Variants in SEMA3A observed in about 807,000 individuals in gnomAD.
SEMA3A encodes semaphorin-3A.
In SEMA3A, 29 loss-of-function variants were observed where a neutral mutation model predicts 97.9. The ratio of observed to expected loss-of-function variants is 0.30; its 90% CI spans 0.22 to 0.40. The LOEUF (loss-of-function observed/expected upper bound fraction) is 0.40, where lower values mean the gene tolerates loss of function less well. Ranked by LOEUF, SEMA3A falls within the 10% of genes least tolerant of loss-of-function variation. The pLI is 1.00. For missense variants in SEMA3A, 763 were observed against 951.3 expected, an observed-to-expected ratio of 0.80 and a Z score of 2.60; for synonymous variants, 321 against 323.7, an observed-to-expected ratio of 0.99 and a Z score of 0.09.
rs146345045 is a variant in SEMA3A at position 84,295,936 on chromosome 7, A to G, written c.-83+11271T>C. On this transcript the variant is annotated intron_variant, in intron 3 of 3. Coordinates refer to the SEMA3A transcript ENST00000424555. Reference sequence around the variant, plus strand: ...TCCACAATTCAAAGCCACTTTTACAATACACTACTCATGTTGTGTTAGAAG... The same window carrying G: ...TCCACAATTCAAAGCCACTTTTACAGTACACTACTCATGTTGTGTTAGAAG... Among the ~76,000 whole-genome samples, 5 of 152,240 alleles carry G rather than the reference A, an allele frequency of 3.3e-5. No individual in the cohort carries two copies. The East Asian group carries it at 7.7e-4, about 24-fold the overall frequency.
At chr7:84,235,529 T>G (rs996940945) in intron 3 of SEMA3A, among the ~76,000 whole-genome samples, 1 of 152,054 alleles carries the variant, frequency 6.6e-6, no homozygotes, top group East Asian at 1.9e-4. Context: ...TTGAAATATC[T>G]GCATGAATAA....
chr7:84,097,289 T>C (rs7801600), intron 4 of SEMA3A, among the ~76,000 whole-genome samples: 128,444 of 152,108 alleles, frequency 0.84, 54,595 homozygotes, highest in African/African-American at 0.95. Context: ...CTGTATAAAG[T>C]TTTGTGCTAA....
In SEMA3A at chr7:84,445,008, C is replaced by T. The variant is rs1350377964; in HGVS notation, c.-246+47452G>A. 2.0e-5 allele frequency among the ~76,000 whole-genome samples: 3 copies of T among 152,100 alleles called. No individual in the cohort carries two copies. The East Asian group carries it at 5.8e-4, about 29-fold the overall frequency. ...AGGATTCATGTTGCTCTGATAGAGG[C>T]TCTTTTAAAACTGATATCTTCTTCT... On this transcript the variant is annotated intron_variant, in intron 1 of 3. Transcript: ENST00000424555.
intron 2 of SEMA3A, among the ~76,000 whole-genome samples, chr7:84,309,373 T>A (rs1801257179): frequency 6.6e-6 from 1 of 151,834 alleles, no homozygotes; most frequent in South Asian, 2.1e-4. Flanking sequence ...ACATGATGAG[T>A]TAAGTCCTAA....
intron 4 of SEMA3A, among the ~76,000 whole-genome samples, chr7:84,074,112 C>T (rs60359427): frequency 0.07 from 10,585 of 152,110 alleles, 452 homozygotes; most frequent in East Asian, 0.19. Context: ...TTTGCACTGT[C>T]TACATACTAT....
chr7:84,168,295 G>A (rs2116193252), intron 1 of SEMA3A, among the ~76,000 whole-genome samples: 1 of 152,024 alleles, frequency 6.6e-6, no homozygotes, highest in East Asian at 1.9e-4. Flanking sequence ...AAATTAATGG[G>A]TATAGTCTCC....
At chr7:83,977,788 C>CTTTTTTTTTTTTTT (rs139682272) in intron 14 of SEMA3A, among the ~76,000 whole-genome samples, 3 of 141,062 alleles carry the variant, frequency 2.1e-5, no homozygotes, top group Non-Finnish European at 4.6e-5. Flanking sequence ...TCAACCTATC[C>CTTTTTTTTTTTTTT]TTTTTTTTTT....
intron 4 of SEMA3A, among the ~76,000 whole-genome samples, chr7:84,071,325 C>T (rs1432717013): frequency 6.6e-6 from 1 of 152,038 alleles, no homozygotes; most frequent in East Asian, 1.9e-4. Flanking sequence ...AGTCAGCAGT[C>T]AGAGGACCTC....
At chr7:84,423,583 G>A (rs1043790606) in intron 1 of SEMA3A, among the ~76,000 whole-genome samples, 1 of 151,938 alleles carries the variant, frequency 6.6e-6, no homozygotes, top group East Asian at 1.9e-4. Flanking sequence ...TGTCGAAATA[G>A]ATAGTTATAT....
At chr7:84,040,037 T>C (rs1792079827) in intron 6 of SEMA3A, among the ~76,000 whole-genome samples, 2 of 152,044 alleles carry the variant, frequency 1.3e-5, no homozygotes, top group South Asian at 2.1e-4. Context: ...GAAAGGCAGG[T>C]TATTTTGGAA....
chr7:84,213,880 C>G (rs1241798678), intron 3 of SEMA3A, among the ~76,000 whole-genome samples: 1 of 152,192 alleles, frequency 6.6e-6, no homozygotes, highest in Non-Finnish European at 1.5e-5. Flanking sequence ...TGCCCCAGCA[C>G]TATCATGGAA....
At chr7:84,240,713 C>T (rs930274345) in intron 3 of SEMA3A, among the ~76,000 whole-genome samples, 3 of 152,062 alleles carry the variant, frequency 2.0e-5, no homozygotes, top group Admixed American at 6.6e-5. Flanking sequence ...CTCATCAACC[C>T]ATCATGTACA....
chr7:84,449,136 T>G (rs1805498546), intron 1 of SEMA3A, among the ~76,000 whole-genome samples: 1 of 152,158 alleles, frequency 6.6e-6, no homozygotes, highest in Non-Finnish European at 1.5e-5. Flanking sequence ...ATACAAAAAT[T>G]ACTTTAAAAT....
chr7:84,394,807 G>T (rs1224896545), intron 1 of SEMA3A, among the ~76,000 whole-genome samples: 2 of 152,072 alleles, frequency 1.3e-5, no homozygotes, highest in Non-Finnish European at 1.5e-5. Context: ...TAATAAAAGA[G>T]CTACATAAAA....
chr7:84,097,196 A>G (rs1392924465), intron 4 of SEMA3A, among the ~76,000 whole-genome samples: 2 of 152,138 alleles, frequency 1.3e-5, no homozygotes, highest in Non-Finnish European at 2.9e-5. Context: ...TTGCCAGGAG[A>G]AAAGCACTTA....
At chr7:84,169,789 T>C (rs1466292748) in intron 1 of SEMA3A, among the ~76,000 whole-genome samples, 2 of 151,632 alleles carry the variant, frequency 1.3e-5, no homozygotes, top group Non-Finnish European at 3.0e-5. Flanking sequence ...TTAAGGCACA[T>C]GATAAAGTCA....
At chr7:84,214,504 T>A (rs1185007917) in intron 3 of SEMA3A, among the ~76,000 whole-genome samples, 1 of 152,158 alleles carries the variant, frequency 6.6e-6, no homozygotes, top group Non-Finnish European at 1.5e-5. Context: ...GGAAACATAT[T>A]ATTCCAACTT....
At chr7:84,158,042 G>A (rs770858509) in intron 1 of SEMA3A, among the ~76,000 whole-genome samples, 12 of 151,238 alleles carry the variant, frequency 7.9e-5, no homozygotes, top group African/African-American at 2.4e-4. Flanking sequence ...CTTTTCTGTC[G>A]TAGGTCTTTA....
intron 4 of SEMA3A, among the ~76,000 whole-genome samples, chr7:84,067,394 A>T (rs920843415): frequency 6.6e-6 from 1 of 152,184 alleles, no homozygotes; most frequent in Admixed American, 6.5e-5. Context: ...ACCAAAAGCC[A>T]TGGCAACAAA....
Sources: allele counts gnomAD v4.1 joint callset (sites outside exome capture counted in the v4.1 genomes callset), GRCh38; gene constraint gnomAD v4.1.1; transcripts MANE v1.5; gene names NCBI Gene and HGNC (gene_info 2026-07-23, HGNC 2026-07-21).